Variants in PAMR1 observed in about 807,000 individuals in gnomAD.
The protein encoded by PAMR1 is inactive serine protease PAMR1.
Under a neutral mutation model 81.8 loss-of-function variants are expected in PAMR1, and 88 were observed. The ratio of observed to expected loss-of-function variants is 1.08; its 90% CI spans 0.91 to 1.28. PAMR1 has a LOEUF of 1.28. Ranked by LOEUF, PAMR1 falls within the 50% of genes most tolerant of loss-of-function variation. PAMR1 has a pLI of 0.00. For missense variants in PAMR1, 935 were observed against 919.7 expected, an observed-to-expected ratio of 1.02 and a Z score of -0.21; for synonymous variants, 336 against 345.3, an observed-to-expected ratio of 0.97 and a Z score of 0.30.
At chr11:35,499,377 C>G (rs954086198) in intron 1 of PAMR1, among the ~76,000 whole-genome samples, 2 of 152,166 alleles carry the variant, frequency 1.3e-5, no homozygotes, top group African/African-American at 4.8e-5. Flanking sequence ...CCCCCTCCCT[C>G]TATTCACCCT....
At chr11:35,522,575 T>G (rs1033444284) in intron 1 of PAMR1, among the ~76,000 whole-genome samples, 9 of 152,392 alleles carry the variant, frequency 5.9e-5, no homozygotes, top group African/African-American at 2.2e-4. Context: ...AGGTGTATAC[T>G]GTATCTTGTT....
At chr11:35,486,841 C>G (rs1358873497) in intron 3 of PAMR1, among the ~76,000 whole-genome samples, 1 of 152,298 alleles carries the variant, frequency 6.6e-6, no homozygotes, top group African/African-American at 2.4e-5. Flanking sequence ...GAACAAACCC[C>G]CTTACTCACA....
At chr11:35,471,636 G>A (rs529844053) in intron 4 of PAMR1, among the ~76,000 whole-genome samples, 1 of 152,186 alleles carries the variant, frequency 6.6e-6, no homozygotes, top group East Asian at 1.9e-4. Context: ...GAATTTCAGG[G>A]GTTAAGGAAA....
chr11:35,470,470 T>G, intron 5 of PAMR1, 131 bp downstream of exon 5: 1 of 700,430 alleles, frequency 1.4e-6, no homozygotes, highest in East Asian at 2.7e-5. Flanking sequence ...TTTCTCAGTG[T>G]GTAGGCTGTT....
In PAMR1 at chr11:35,432,691, G is replaced by A. The variant is rs1855937949; in HGVS notation, c.1828C>T (p.Pro610Ser). The change falls in exon 11 of 11, where the codon CCT (proline) becomes TCT (serine). Residue 610 changes from proline (P) to serine (S), a missense_variant. Physicochemically the swap from Pro to Ser is moderately conservative, Grantham distance 74. Coordinates refer to ENST00000619888, the MANE Select transcript of PAMR1 (RefSeq NM_001001991.3). ...GWNVLADVRS[P>S]GFKNDTLRSG... ...CGCAGTGTGTCGTTCTTGAAGCCAG[G>A]GCTCCTCACGTCTGCCAGGACATTC... 6.2e-7 allele frequency: 1 copy of A among 1,613,472 alleles called. No individual in the cohort carries two copies. Among genetic ancestry groups the A allele is most frequent in the African/African-American group, 1.3e-5 (1 of 75,036 alleles).
At chr11:35,529,273 A>G (rs1048191377), upstream of PAMR1, among the ~76,000 whole-genome samples, 1 of 152,204 alleles carries the variant, frequency 6.6e-6, no homozygotes. Context: ...TAGCCTTCTC[A>G]TTTGCAAACT....
chr11:35,511,141 C>T (rs1240929883), intron 1 of PAMR1, among the ~76,000 whole-genome samples: 1 of 152,202 alleles, frequency 6.6e-6, no homozygotes, highest in Non-Finnish European at 1.5e-5. Context: ...TGAAAGAAAG[C>T]TGTCATAATC....
In PAMR1 at chr11:35,432,171, G is replaced by C. The variant is rs1398517690; in HGVS notation, c.*185C>G. Reference sequence around the variant, plus strand: ...CCAATTGGCTGTCCTAGTAGTGGACGCGGCATCAGCCTACCAGCAATGGAG... The same window carrying C: ...CCAATTGGCTGTCCTAGTAGTGGACCCGGCATCAGCCTACCAGCAATGGAG... On this transcript the variant is annotated 3_prime_UTR_variant, in exon 11 of 11. Coordinates refer to ENST00000619888, the MANE Select transcript of PAMR1 (RefSeq NM_001001991.3). 1 of 604,282 alleles carries C rather than the reference G, an allele frequency of 1.7e-6. No individual in the cohort carries two copies. The highest frequency in any genetic ancestry group is 1.9e-5 in the African/African-American group (1 of 53,892). 37.4% of individuals were successfully genotyped at this position (604,282 alleles called of 1,614,324 possible).
At chr11:35,525,844 C>T, upstream of PAMR1, 1 of 543,948 alleles carries the variant, frequency 1.8e-6, no homozygotes, top group Non-Finnish European at 3.3e-6. Flanking sequence ...GACCCGCGGA[C>T]GGCGGCTGCA....
chr11:35,450,903 C>T (rs11033125), intron 6 of PAMR1, among the ~76,000 whole-genome samples: 40,729 of 152,104 alleles, frequency 0.27, 5,653 homozygotes, highest in Admixed American at 0.32. Flanking sequence ...GAATCTGCAG[C>T]CAATTAGCCT....
chr11:35,507,338 T>C (rs112509113), intron 1 of PAMR1, among the ~76,000 whole-genome samples: 1 of 152,108 alleles, frequency 6.6e-6, no homozygotes, highest in East Asian at 1.9e-4. Flanking sequence ...TGAGCCACCA[T>C]GCCCAGCCTC....
chr11:35,475,692 C>T (rs1464805178), intron 3 of PAMR1, among the ~76,000 whole-genome samples: 1 of 152,138 alleles, frequency 6.6e-6, no homozygotes, highest in Non-Finnish European at 1.5e-5. Context: ...ACACTATGAT[C>T]CTTGGGCCAA....
At chr11:35,447,398 G>T (rs1019331222) in intron 6 of PAMR1, among the ~76,000 whole-genome samples, 2 of 151,988 alleles carry the variant, frequency 1.3e-5, no homozygotes, top group Non-Finnish European at 2.9e-5. Context: ...TGGAGACAGG[G>T]TTTCGCCATG....
At chr11:35,504,125 A>G (rs555814477) in intron 1 of PAMR1, among the ~76,000 whole-genome samples, 93 of 152,208 alleles carry the variant, frequency 6.1e-4, no homozygotes, top group African/African-American at 2.1e-3. Flanking sequence ...CATCTATTGA[A>G]ATGATCACAT....
At chr11:35,439,498 C>A (rs1856117549) in intron 8 of PAMR1, 129 bp downstream of exon 8, 2 of 767,084 alleles carry the variant, frequency 2.6e-6, no homozygotes. Flanking sequence ...TATTTCATGA[C>A]CAGTTAGCAC....
intron 3 of PAMR1, 129 bp downstream of exon 3, chr11:35,491,916 T>A: frequency 5.2e-6 from 4 of 770,028 alleles, no homozygotes; most frequent in Non-Finnish European, 8.1e-6. Context: ...TTTATAGTTT[T>A]ACCTAGAAAG....
At chr11:35,517,113 T>A (rs528105906) in intron 1 of PAMR1, among the ~76,000 whole-genome samples, 43 of 152,330 alleles carry the variant, frequency 2.8e-4, no homozygotes, top group African/African-American at 9.9e-4. Flanking sequence ...TCCCCCAGAC[T>A]GCCACATCAT....
chr11:35,455,139 C>T (rs1471536717), intron 6 of PAMR1, among the ~76,000 whole-genome samples: 2 of 152,138 alleles, frequency 1.3e-5, no homozygotes, highest in Non-Finnish European at 2.9e-5. Flanking sequence ...ATGTGACTGT[C>T]ATACTCGACA....
At chr11:35,436,170 G>A in intron 8 of PAMR1, 35 bp from the exon 9 acceptor site, 2 of 1,428,552 alleles carry the variant, frequency 1.4e-6, no homozygotes, top group South Asian at 1.2e-5. Context: ...AGAAAGAGCA[G>A]GGTGAGAGAA....
Sources: allele counts gnomAD v4.1 joint callset (sites outside exome capture counted in the v4.1 genomes callset), GRCh38; gene constraint gnomAD v4.1.1; transcripts MANE v1.5; gene names NCBI Gene and HGNC (gene_info 2026-07-23, HGNC 2026-07-21).